The following RFC1 variants were observed in gnomAD, a reference collection of about 807,000 sequenced individuals.
RFC1 encodes A1 140 kDa subunit.
A neutral mutation model predicts 137.4 loss-of-function variants in RFC1; 37 were observed. The ratio of observed to expected loss-of-function variants is 0.27; its 90% CI spans 0.21 to 0.35. The LOEUF is 0.35. RFC1 is among the 10% of genes least tolerant of loss of function. The pLI, the probability that RFC1 is intolerant of heterozygous loss-of-function variation, is 1.00. For synonymous variants in RFC1, 429 were observed against 455.7 expected (o/e 0.94, Z 0.75); for missense variants, 1,205 against 1,358.5 (o/e 0.89, Z 1.78).
intron 1 of RFC1, among the ~76,000 whole-genome samples, chr4:39,364,058 CAACA>C (rs1741896236): frequency 7.5e-6 from 1 of 134,156 alleles, no homozygotes; most frequent in East Asian, 2.1e-4. Flanking sequence ...CCAGCCTGGG[CAACA>C]GAGCAAGACC....
At chr4:39,347,802 TA>T (rs1357286877) in intron 2 of RFC1, among the ~76,000 whole-genome samples, 2 of 152,180 alleles carry the variant, frequency 1.3e-5, no homozygotes, top group Non-Finnish European at 2.9e-5. Flanking sequence ...ATATGAATGT[TA>T]AAGGCCAACC....
intron 22 of RFC1, among the ~76,000 whole-genome samples, chr4:39,293,609 T>C (rs1737811301): frequency 1.3e-5 from 2 of 152,146 alleles, no homozygotes; most frequent in Non-Finnish European, 2.9e-5. Context: ...ATGAATTCAC[T>C]ATAAATGTCT....
At chr4:39,366,151 C>A (rs1578184502) in intron 1 of RFC1, 88 bp downstream of exon 1, 7 of 1,411,156 alleles carry the variant, frequency 5.0e-6, no homozygotes, top group Middle Eastern at 2.2e-4. Context: ...CATCCTCCCC[C>A]ACCCTGCATA....
At chr4:39,305,935 C>A (rs1335918383) in intron 14 of RFC1, among the ~76,000 whole-genome samples, 1 of 151,932 alleles carries the variant, frequency 6.6e-6, no homozygotes, top group Non-Finnish European at 1.5e-5. Context: ...ATGCATACAA[C>A]AAAAAAACAA....
Position 39,311,440 on chromosome 4 carries a change from C to T in RFC1, c.1488+5G>A. On this transcript the variant is annotated splice_donor_5th_base_variant and intron_variant, in intron 12 of 24. Coordinates refer to ENST00000349703, the MANE Select transcript of RFC1 (RefSeq NM_002913.5). The stretch of plus-strand genomic sequence containing the variant: ...CAACTTAAATCACATTCATTTTATA[C>T]GAACCTCAGTTTCAACTGCTATTTC... 6.2e-7 allele frequency: 1 copy of T among 1,608,316 alleles called. No individual in the cohort carries two copies. The highest frequency in any genetic ancestry group is 8.5e-7 in the Non-Finnish European group (1 of 1,175,142).
rs1402731778 is a variant in RFC1 at position 39,321,300 on chromosome 4, T to C, written c.795A>G (p.Lys265=). 1 of 1,613,360 alleles carries C rather than the reference T, an allele frequency of 6.2e-7. No homozygotes were observed. Among genetic ancestry groups the C allele is most frequent in the African/African-American group, 1.3e-5 (1 of 74,924 alleles). Reference sequence around the variant, plus strand: ...TGCTAGTATTACCTTTATGAGGATATTTATGTTTTTCTGCTTTACTTAAAT... The same window carrying C: ...TGCTAGTATTACCTTTATGAGGATACTTATGTTTTTCTGCTTTACTTAAAT... ...QANLSKAEKH[K]YPHKVKTAQV... The change falls in exon 8 of 25, where the codon AAA becomes AAG. Residue 265 remains lysine, a synonymous_variant. Coordinates refer to ENST00000349703, the MANE Select transcript of RFC1 (RefSeq NM_002913.5).
intron 3 of RFC1, among the ~76,000 whole-genome samples, chr4:39,343,870 G>C (rs1740722192): frequency 6.6e-6 from 1 of 152,080 alleles, no homozygotes; most frequent in Non-Finnish European, 1.5e-5. Context: ...CCGACACTTT[G>C]GGAGGCCGAG....
At chr4:39,312,514 GACTTAA>G (rs534180714) in intron 11 of RFC1, among the ~76,000 whole-genome samples, 71 of 152,190 alleles carry the variant, frequency 4.7e-4, no homozygotes, top group African/African-American at 1.4e-3. Context: ...AATAAAAAAA[GACTTAA>G]ACTTAAATAC....
chr4:39,341,833 T>G (rs560340321), intron 4 of RFC1, among the ~76,000 whole-genome samples: 1 of 152,216 alleles, frequency 6.6e-6, no homozygotes, highest in African/African-American at 2.4e-5. Flanking sequence ...TATTTATAAA[T>G]GTCCTTTGCA....
chr4:39,299,949 A>G, intron 21 of RFC1, 72 bp downstream of exon 21: 2 of 862,316 alleles, frequency 2.3e-6, no homozygotes, highest in Non-Finnish European at 3.9e-6. Context: ...TAAAATAAGT[A>G]CAGCAGCTAA....
At chr4:39,299,077 A>G (rs936400093) in intron 21 of RFC1, among the ~76,000 whole-genome samples, 1 of 152,264 alleles carries the variant, frequency 6.6e-6, no homozygotes, top group Non-Finnish European at 1.5e-5. Flanking sequence ...CGCCCAGGGC[A>G]GAAAACCGCT....
chr4:39,343,000 G>A (rs1740678537), intron 3 of RFC1, among the ~76,000 whole-genome samples: 1 of 152,034 alleles, frequency 6.6e-6, no homozygotes, highest in Non-Finnish European at 1.5e-5. Context: ...ACTACACTGA[G>A]CCCATCCAAA....
chr4:39,299,042 G>A (rs1467845479), intron 21 of RFC1, among the ~76,000 whole-genome samples: 2 of 152,202 alleles, frequency 1.3e-5, no homozygotes, highest in Non-Finnish European at 2.9e-5. Flanking sequence ...GGGTTTACGG[G>A]AATGAGGGCA....
intron 4 of RFC1, chr4:39,341,797 C>T (rs1740617624): frequency 2.7e-6 from 1 of 370,434 alleles, no homozygotes; most frequent in Non-Finnish European, 5.5e-6. Context: ...ACTTACACAA[C>T]AAAATATTTG....
At chr4:39,301,591 G>A (rs1738364316) in intron 19 of RFC1, among the ~76,000 whole-genome samples, 1 of 152,118 alleles carries the variant, frequency 6.6e-6, no homozygotes, top group African/African-American at 2.4e-5. Context: ...CCATAGGCCA[G>A]GCATGGATCA....
intron 19 of RFC1, among the ~76,000 whole-genome samples, chr4:39,302,006 G>T (rs1206085927): frequency 6.6e-6 from 1 of 152,032 alleles, no homozygotes; most frequent in African/African-American, 2.4e-5. Flanking sequence ...CAAACATAAA[G>T]AACTCTGGAA....
At chr4:39,296,539 G>A (rs200663827) in intron 21 of RFC1, among the ~76,000 whole-genome samples, 9 of 147,346 alleles carry the variant, frequency 6.1e-5, no homozygotes, top group African/African-American at 5.0e-5. Context: ...TACTGAGAAT[G>A]ATGATTTCCA....
At chr4:39,292,317 C>A (rs1178805712) in intron 22 of RFC1, among the ~76,000 whole-genome samples, 1 of 152,160 alleles carries the variant, frequency 6.6e-6, no homozygotes, top group African/African-American at 2.4e-5. Context: ...TTTCCTAATA[C>A]TGTTACTCTG....
intron 12 of RFC1, 95 bp from the exon 13 acceptor site, chr4:39,309,127 C>T: frequency 7.5e-7 from 1 of 1,341,108 alleles, no homozygotes. Flanking sequence ...TCAGAGATAT[C>T]CAAGTGGGCT....
Sources: allele counts gnomAD v4.1 joint callset (sites outside exome capture counted in the v4.1 genomes callset), GRCh38; gene constraint gnomAD v4.1.1; transcripts MANE v1.5; gene names NCBI Gene and HGNC (gene_info 2026-07-23, HGNC 2026-07-21).